Variants in MYRF observed in about 807,000 individuals in gnomAD.
The protein encoded by MYRF is myelin gene regulatory factor.
MYRF carries 16 observed loss-of-function variants against 126.3 expected under a neutral mutation model. That is an observed-to-expected ratio of 0.13 (90% confidence interval 0.09 to 0.19). The LOEUF is 0.19. MYRF is among the 10% of genes least tolerant of loss of function. The pLI is 1.00. For synonymous variants in MYRF, 608 were observed against 635.3 expected, an observed-to-expected ratio of 0.96 and a Z score of 0.65; for missense variants, 1,104 against 1,547.0, an observed-to-expected ratio of 0.71 and a Z score of 4.80.
At position 61,788,511 on chromosome 11, in the gene MYRF, G is replaced by C. The variant is rs1446451440; in HGVS notation, c.*2368G>C. ...TAAATAAATGTATAAATACTGCTTT[G>C]TATCTGAGCTTGCCTCCTTGTCTCT... On this transcript the variant is annotated 3_prime_UTR_variant, in exon 27 of 27. Coordinates refer to ENST00000278836, the MANE Select transcript of MYRF (RefSeq NM_001127392.3). 1 of 152,162 alleles carries C rather than the reference G, an allele frequency of 6.6e-6. No individual in the cohort carries two copies. Among genetic ancestry groups the C allele is most frequent in the Non-Finnish European group, 1.5e-5 (1 of 68,040 alleles). The allele number at this position is 152,162 out of a possible 1,614,324, so 9.4% of individuals were successfully genotyped here.
intron 25 of MYRF, chr11:61,785,542 A>C: frequency 1.8e-6 from 1 of 547,378 alleles, no homozygotes; most frequent in South Asian, 2.2e-5. Flanking sequence ...GGAACCCAGC[A>C]CAACAGGACT....
rs200985550 is a variant in MYRF, at chr11:61,771,817, C to G, written c.992-12C>G. ...AAGGTGCAGGGCCCACATGGGCGTT[C>G]CCTCCCTCCAGGCCTCCTGCAGGAC... is the stretch of plus-strand genomic sequence containing the variant. On this transcript the variant is annotated splice_polypyrimidine_tract_variant and intron_variant, in intron 6 of 26. Coordinates refer to ENST00000278836, the MANE Select transcript of MYRF (RefSeq NM_001127392.3). 1.9e-6 allele frequency: 3 copies of G among 1,614,054 alleles called. No individual in the cohort carries two copies. The African/African-American group carries it at 4.0e-5, about 22-fold the overall frequency.
Position 61,777,953 on chromosome 11 carries a change from C to A in MYRF, c.1903+108C>A. On this transcript the variant is annotated intron_variant, in intron 13 of 26. Transcript: ENST00000278836. The surrounding 1 kb of genome is among the most constrained non-coding windows in gnomAD (Gnocchi z 8.8). Reference sequence around the variant, plus strand: ...ATCCTACTCCTCTTGACTCCCGGAACTGCGCCCCTGGGAATCATGCCTTCT... The same window carrying A: ...ATCCTACTCCTCTTGACTCCCGGAAATGCGCCCCTGGGAATCATGCCTTCT... 4 of 864,056 alleles carry A rather than the reference C, an allele frequency of 4.6e-6. No individual in the cohort carries two copies. The highest frequency in any genetic ancestry group is 7.3e-6 in the Non-Finnish European group (4 of 546,028). The allele number at this position is 864,056 out of a possible 1,614,324, so 53.5% of individuals were successfully genotyped here.
Position 61,781,800 on chromosome 11 carries a change from C to T in MYRF, c.2992C>T (p.Pro998Ser), listed in dbSNP as rs2066559304. Residue 998 changes from proline (P) to serine (S), a missense_variant, in exon 22 of 27, where the codon CCC (proline) becomes TCC (serine). Physicochemically the swap from Pro to Ser is moderately conservative, Grantham distance 74. Around this residue, in one of 10 missense-constraint regions of MYRF, gnomAD observed 323 missense variants for 383.1 expected, o/e 0.84. Coordinates refer to ENST00000278836, the MANE Select transcript of MYRF (RefSeq NM_001127392.3). Reference sequence around the variant, plus strand: ...CCAGTCCAGCGTGGGCCCTGCTGAGCCCACCTGGGCCCAGGGCCAGTCAGG... The same window carrying T: ...CCAGTCCAGCGTGGGCCCTGCTGAGTCCACCTGGGCCCAGGGCCAGTCAGG... ...ALQSSVGPAE[P>S]TWAQGQSASL... is the part of the protein sequence containing the mutation. 6.3e-7 allele frequency: 1 copy of T among 1,577,672 alleles called. No homozygotes were observed. Among genetic ancestry groups the T allele is most frequent in the Non-Finnish European group, 8.6e-7 (1 of 1,165,532 alleles).
At chr11:61,780,070 G>C (rs1330349793) in intron 17 of MYRF, 140 bp downstream of exon 17, 1 of 1,190,374 alleles carries the variant, frequency 8.4e-7, no homozygotes, top group African/African-American at 1.5e-5. Flanking sequence ...TCGGTGAGGT[G>C]GGCCTTTCTG....
intron 25 of MYRF, chr11:61,784,591 C>A: frequency 1.8e-6 from 1 of 567,450 alleles, no homozygotes; most frequent in South Asian, 2.1e-5. Flanking sequence ...CTGAGCATCT[C>A]CCAGCCCTGC....
At position 61,781,153 on chromosome 11, in the gene MYRF, C is replaced by T. The variant is rs2066533251; in HGVS notation, c.2588C>T (p.Thr863Ile). 6.2e-7 allele frequency: 1 copy of T among 1,613,558 alleles called. No individual in the cohort carries two copies. The highest frequency in any genetic ancestry group is 8.5e-7 in the Non-Finnish European group (1 of 1,180,006). ...GCCTCCTCAGTGACCACCAGCCTCACCAGCTCGGCCCCAGGTTCTGCTGTC... is the reference window on the plus strand; with the variant it reads ...GCCTCCTCAGTGACCACCAGCCTCATCAGCTCGGCCCCAGGTTCTGCTGTC... ...PSLLLVTTSL[T>I]SSAPGSAVRT... Residue 863 changes from threonine to isoleucine, a missense_variant, in exon 21 of 27, where the codon ACC (threonine) becomes ATC (isoleucine). This residue lies in a region of MYRF where 323 missense variants were observed against 383.1 expected (regional missense o/e 0.84). Coordinates refer to ENST00000278836, the MANE Select transcript of MYRF (RefSeq NM_001127392.3).
chr11:61,773,224 A>T (rs1400530176), intron 7 of MYRF, among the ~76,000 whole-genome samples: 1 of 151,974 alleles, frequency 6.6e-6, no homozygotes, highest in Non-Finnish European at 1.5e-5. Flanking sequence ...TCTTGACCTC[A>T]TGATCTGCCT....
In MYRF at chr11:61,786,618, G is replaced by A. The variant is rs528923289; in HGVS notation, c.*475G>A. Reference sequence around the variant, plus strand: ...AAGAGACTTGGGTGGACCCCCATGAGTCAATGGAGGGCAGACGGCTCTCCC... The same window carrying A: ...AAGAGACTTGGGTGGACCCCCATGAATCAATGGAGGGCAGACGGCTCTCCC... On this transcript the variant is annotated 3_prime_UTR_variant, in exon 27 of 27. Coordinates refer to ENST00000278836, the MANE Select transcript of MYRF (RefSeq NM_001127392.3). This position sits in a 1 kb window ranked among gnomAD's most constrained non-coding sequence, Gnocchi z 4.5. 20 of 170,228 alleles carry A rather than the reference G, an allele frequency of 1.2e-4. No individual in the cohort carries two copies. In the South Asian group the frequency reaches 2.9e-3, roughly 24 times the overall value. 10.5% of individuals were successfully genotyped at this position (170,228 alleles called of 1,614,324 possible). A position where few individuals can be genotyped will look rare whatever the true frequency, so the allele number is the denominator to read the frequency against.
rs778579346 is a variant in MYRF, at chr11:61,774,015, G to T, written c.1164G>T (p.Ser388=). 18 of 1,613,316 alleles carry T rather than the reference G, an allele frequency of 1.1e-5. No individual in the cohort carries two copies. Among genetic ancestry groups the T allele is most frequent in the Middle Eastern group, 3.3e-4 (2 of 6,084 alleles). The change falls in exon 8 of 27, where the codon TCG becomes TCT. Residue 388 remains serine, a synonymous_variant. Transcript: ENST00000278836. ...ATGCGGACAAGGGCTTCAACTTTTC[G>T]GTGGGCGACGACGCCTTTGTGTGCC... ...RVDADKGFNF[S]VGDDAFVCQK...
intron 1 of MYRF, among the ~76,000 whole-genome samples, chr11:61,761,239 C>T (rs2065887631): frequency 6.7e-6 from 1 of 148,204 alleles, no homozygotes; most frequent in Non-Finnish European, 1.5e-5. Flanking sequence ...GGCCGAGACT[C>T]AGCCAACGGC....
At chr11:61,779,641 A>C (rs1350035932) in intron 16 of MYRF, 71 bp downstream of exon 16, 1 of 1,384,838 alleles carries the variant, frequency 7.2e-7, no homozygotes, top group Non-Finnish European at 9.6e-7. Context: ...TCTGGCTTGC[A>C]GTTCTCCAGC....
At chr11:61,770,890 C>A (rs1422409236) in intron 5 of MYRF, among the ~76,000 whole-genome samples, 1 of 152,188 alleles carries the variant, frequency 6.6e-6, no homozygotes, top group Non-Finnish European at 1.5e-5. Flanking sequence ...ATGGAACCCT[C>A]AGGTTTCTGA....
At chr11:61,784,472 GAAGCTGGGAGTTATAGAGTA>G (rs1179679672) in intron 25 of MYRF, 87 bp downstream of exon 25, 2 of 1,065,960 alleles carry the variant, frequency 1.9e-6, no homozygotes, top group African/African-American at 3.1e-5. Flanking sequence ...GCAAGGAGCA[GAAGCTGGGAGTTATAGAGTA>G]AAGCCTTCTC....
At chr11:61,773,866 T>A (rs983065849) in intron 7 of MYRF, 101 bp from the exon 8 acceptor site, 6 of 911,918 alleles carry the variant, frequency 6.6e-6, no homozygotes, top group Admixed American at 2.7e-5. Context: ...GATGCAGGGG[T>A]GTGGTGTGGG....
chr11:61,781,385 G>A (rs2066542737), intron 21 of MYRF, 56 bp downstream of exon 21: 6 of 1,597,238 alleles, frequency 3.8e-6, no homozygotes, highest in Admixed American at 1.7e-5. Flanking sequence ...TAGAGAGAAA[G>A]GCCCAAATAC....
At chr11:61,780,120 C>A in intron 17 of MYRF, 102 bp from the exon 18 acceptor site, 1 of 1,427,966 alleles carries the variant, frequency 7.0e-7, no homozygotes, top group Non-Finnish European at 9.7e-7. Context: ...TAGGCATCAC[C>A]TGGGAGCCCA....
At chr11:61,773,243 C>A (rs2066276026) in intron 7 of MYRF, among the ~76,000 whole-genome samples, 1 of 152,156 alleles carries the variant, frequency 6.6e-6, no homozygotes, top group Non-Finnish European at 1.5e-5. Context: ...CTGCCTTGGC[C>A]TCCCAAAGTG....
At chr11:61,784,187 G>C in intron 24 of MYRF, 93 bp from the exon 25 acceptor site, 2 of 1,220,568 alleles carry the variant, frequency 1.6e-6, no homozygotes, top group Non-Finnish European at 2.3e-6. Context: ...AGGCTGGGTG[G>C]AGATTCAGAG....
Sources: allele counts gnomAD v4.1 joint callset (sites outside exome capture counted in the v4.1 genomes callset), GRCh38; gene constraint gnomAD v4.1.1; regional missense constraint gnomAD v4.1.1; non-coding constraint Gnocchi (gnomAD v3.1); transcripts MANE v1.5; gene names NCBI Gene and HGNC (gene_info 2026-07-23, HGNC 2026-07-21).